The following DOCK4 variants were observed in gnomAD, a reference collection of about 807,000 sequenced individuals.
DOCK4 encodes dedicator of cytokinesis 4, also known as dedicator of cytokinesis protein 4.
A neutral mutation model predicts 268.1 loss-of-function variants in DOCK4; 97 were observed. That is an observed-to-expected ratio of 0.36 (90% CI 0.31 to 0.43). The LOEUF is 0.43. Ranked by LOEUF, DOCK4 falls within the 20% of genes least tolerant of loss-of-function variation. DOCK4 has a pLI of 1.00. For missense variants in DOCK4, 2,145 were observed against 2,455.7 expected (o/e 0.87, Z 2.67); for synonymous variants, 954 against 887.2 (o/e 1.08, Z -1.34).
intron 1 of DOCK4, among the ~76,000 whole-genome samples, chr7:112,131,141 C>T (rs1366187540): frequency 1.3e-5 from 2 of 152,160 alleles, no homozygotes; most frequent in African/African-American, 4.8e-5. Context: ...GAGGGGTCTT[C>T]TGTTCTTTGA....
chr7:112,125,438 G>A (rs1425888252), intron 1 of DOCK4, among the ~76,000 whole-genome samples: 1 of 152,180 alleles, frequency 6.6e-6, no homozygotes, highest in East Asian at 1.9e-4. Flanking sequence ...CTTCTTACAG[G>A]CTGTCTCCCA....
At position 111,763,444 on chromosome 7, in the gene DOCK4, A is replaced by C. The variant is rs376609126; in HGVS notation, c.4020+1674T>G. ...TATACCCAGGAAAGCTATTTTTAAA[A>C]GAAGAATGATATAGAAGATTGATTT... On this transcript the variant is annotated intron_variant, in intron 39 of 52. Transcript: ENST00000428084. Among the ~76,000 whole-genome samples, 12 of 152,352 alleles carry C rather than the reference A, an allele frequency of 7.9e-5. No homozygotes were observed. In the East Asian group the frequency reaches 2.1e-3, roughly 27 times the overall value.
At chr7:111,886,641 T>A (rs1018316448) in intron 16 of DOCK4, among the ~76,000 whole-genome samples, 3 of 151,906 alleles carry the variant, frequency 2.0e-5, no homozygotes. Context: ...AACAATACAC[T>A]TAAAGGCACC....
At position 112,206,232 on chromosome 7, in the gene DOCK4, C is replaced by A; in HGVS notation, c.-94G>T. On this transcript the variant is annotated 5_prime_UTR_variant, in exon 1 of 53. Coordinates refer to ENST00000428084, the MANE Select transcript of DOCK4 (RefSeq NM_001363540.2). ...ACAGTCCCCGAGCAGCGCTGCAGTG[C>A]CGGAGCCCAGCGGCTTCGCGCGGGC... The A allele has an allele frequency of 2.2e-6, 3 of 1,395,344 alleles. No individual in the cohort carries two copies. The South Asian group carries it at 3.7e-5, about 17-fold the overall frequency. The allele number at this position is 1,395,344 out of a possible 1,614,324, so 86.4% of individuals were successfully genotyped here.
intron 8 of DOCK4, among the ~76,000 whole-genome samples, chr7:111,969,052 G>T (rs1381904818): frequency 1.1e-5 from 1 of 94,600 alleles, no homozygotes; most frequent in Non-Finnish European, 2.0e-5. Context: ...ACACTCTGGG[G>T]ACTGTGGTGG....
intron 41 of DOCK4, among the ~76,000 whole-genome samples, chr7:111,756,638 T>C (rs544586164): frequency 1.4e-4 from 22 of 152,260 alleles, no homozygotes; most frequent in African/African-American, 5.3e-4. Context: ...CACGTTTCTT[T>C]TTTGTCAACC....
At chr7:112,159,507 C>T (rs1443207860) in intron 1 of DOCK4, among the ~76,000 whole-genome samples, 1 of 152,134 alleles carries the variant, frequency 6.6e-6, no homozygotes, top group African/African-American at 2.4e-5. Flanking sequence ...TAAACACACT[C>T]CTCAACTACA....
At position 112,059,134 on chromosome 7, in the gene DOCK4, CTTTTTTT is replaced by C. The variant is rs572050793; in HGVS notation, c.38-55010_38-55004del. On this transcript the variant is annotated intron_variant, in intron 1 of 52. Coordinates refer to ENST00000428084, the MANE Select transcript of DOCK4 (RefSeq NM_001363540.2). The stretch of plus-strand genomic sequence containing the variant: ...TCATAAAATTATACTGCAGCATTTC[CTTTTTTT>C]TTTTTTTTTTTTTTTTTTGAGACAG... Among the ~76,000 whole-genome samples, 36 of 98,996 alleles carry C rather than the reference CTTTTTTT, an allele frequency of 3.6e-4. No individual in the cohort carries two copies. In the East Asian group the frequency reaches 5.3e-3, roughly 15 times the overall value. 64.9% of individuals were successfully genotyped at this position (98,996 alleles called of 152,430 possible).
chr7:112,066,809 C>G (rs1161407343), intron 1 of DOCK4, among the ~76,000 whole-genome samples: 1 of 144,572 alleles, frequency 6.9e-6, no homozygotes, highest in Non-Finnish European at 1.5e-5. Flanking sequence ...GTGGCGAGTT[C>G]AAAGATGACT....
At chr7:111,839,599 C>T (rs1016654730) in intron 25 of DOCK4, among the ~76,000 whole-genome samples, 2 of 152,244 alleles carry the variant, frequency 1.3e-5, no homozygotes, top group South Asian at 4.1e-4. Flanking sequence ...CTGACTTATG[C>T]CCATTGCAAT....
rs368783530 is a variant in DOCK4, at chr7:111,731,412, C to T, written c.5481+814G>A. ...AGCTCATCACACAAAGGACATGGAG[C>T]GTGTAAATCCTAAGTCACTCAGGTA... On this transcript the variant is annotated intron_variant, in intron 52 of 52. Coordinates refer to ENST00000428084, the MANE Select transcript of DOCK4 (RefSeq NM_001363540.2). 2.3e-3 allele frequency among the ~76,000 whole-genome samples: 343 copies of T among 152,312 alleles called. 3 individuals are homozygous for T. The highest frequency in any genetic ancestry group is 7.8e-3 in the African/African-American group (326 of 41,576).
intron 27 of DOCK4, 103 bp downstream of exon 27, chr7:111,822,258 CA>C (rs113026478): frequency 2.1e-3 from 1,659 of 794,022 alleles, no homozygotes; most frequent in South Asian, 2.7e-3. Context: ...AATTCAGAGG[CA>C]AAAAAAAAAC....
chr7:111,918,111 G>C (rs1792770644), intron 12 of DOCK4, among the ~76,000 whole-genome samples: 2 of 152,238 alleles, frequency 1.3e-5, no homozygotes, highest in South Asian at 4.1e-4. Flanking sequence ...AAAAGAAAAG[G>C]CTTTAGGCTC....
In DOCK4 at chr7:111,977,119, C is replaced by T. The variant is rs529275819; in HGVS notation, c.701+13G>A. 53 of 1,612,878 alleles carry T rather than the reference C, an allele frequency of 3.3e-5. No homozygotes were observed. In the East Asian group the frequency reaches 9.4e-4, roughly 29 times the overall value. On this transcript the variant is annotated intron_variant, in intron 8 of 52. Coordinates refer to ENST00000428084, the MANE Select transcript of DOCK4 (RefSeq NM_001363540.2). The stretch of plus-strand genomic sequence containing the variant: ...CATTAAGACATTGAAACCCTATCTC[C>T]ACGTGCAGGTACCTGATTGGCCGGT...
At chr7:112,091,379 C>T (rs563202532) in intron 1 of DOCK4, among the ~76,000 whole-genome samples, 1 of 152,202 alleles carries the variant, frequency 6.6e-6, no homozygotes, top group Admixed American at 6.5e-5. Context: ...TCTGGGCATT[C>T]CTAGGCCGTC....
chr7:111,867,251 T>G (rs1806049387), intron 22 of DOCK4, among the ~76,000 whole-genome samples: 1 of 152,234 alleles, frequency 6.6e-6, no homozygotes, highest in Non-Finnish European at 1.5e-5. Flanking sequence ...CCTTTTTATG[T>G]CCCAGTTCTC....
At chr7:111,750,912 C>A (rs948976728) in intron 42 of DOCK4, among the ~76,000 whole-genome samples, 1 of 152,074 alleles carries the variant, frequency 6.6e-6, no homozygotes, top group Non-Finnish European at 1.5e-5. Context: ...AAACAAAAAC[C>A]CCTCCAGTCG....
chr7:111,974,570 G>A lies in DOCK4; in HGVS notation c.701+2562C>T, dbSNP rs187426961. ...TATGATGGGGGTTGCAGAGAGAGGA[G>A]GAGGAAGGAAAAGGGATGGGGAGGA... On this transcript the variant is annotated intron_variant, in intron 8 of 52. Coordinates refer to ENST00000428084, the MANE Select transcript of DOCK4 (RefSeq NM_001363540.2). Among the ~76,000 whole-genome samples the A allele has an allele frequency of 1.6e-3, 225 of 140,504 alleles. 3 individuals carry two copies. Among genetic ancestry groups the A allele is most frequent in the African/African-American group, 5.5e-3 (211 of 38,630 alleles). The allele number at this position is 140,504 out of a possible 152,430, so 92.2% of individuals were successfully genotyped here. A position where few individuals can be genotyped will look rare whatever the true frequency, so the allele number is the denominator to read the frequency against.
chr7:111,906,281 G>A (rs1791561477), intron 13 of DOCK4, among the ~76,000 whole-genome samples: 1 of 152,178 alleles, frequency 6.6e-6, no homozygotes, highest in African/African-American at 2.4e-5. Flanking sequence ...GACACAAATG[G>A]TGTCATCCAG....
Sources: gnomAD v4.1 joint callset for allele counts (sites outside exome capture counted in the v4.1 genomes callset) on GRCh38, gnomAD v4.1.1 for gene constraint, MANE v1.5 for transcripts, NCBI Gene and HGNC (gene_info 2026-07-23, HGNC 2026-07-21) for gene names.